ZHX2: variants seen among roughly 807,000 people sequenced by gnomAD.
The protein encoded by ZHX2 is zinc fingers and homeoboxes 2.
A neutral mutation model predicts 21.9 loss-of-function variants in ZHX2; 6 were observed. The observed-to-expected ratio is 0.27, with a 90% confidence interval of 0.15 to 0.54. The LOEUF (loss-of-function observed/expected upper bound fraction) is 0.54, where lower values mean the gene tolerates loss of function less well. ZHX2 is among the 20% of genes least tolerant of loss of function. The probability of loss-of-function intolerance (pLI) is 0.95; values close to 1 mark genes in which losing one functional copy is unlikely to be tolerated. For missense variants in ZHX2, 908 were observed against 1,090.7 expected (o/e 0.83, Z 2.36); for synonymous variants, 434 against 437.1 (o/e 0.99, Z 0.09).
At chr8:122,949,971 C>G (rs1813068939) in intron 2 of ZHX2, among the ~76,000 whole-genome samples, 1 of 152,068 alleles carries the variant, frequency 6.6e-6, no homozygotes, top group African/African-American at 2.4e-5. Context: ...TATTTTACTA[C>G]TGTTAAATAG....
chr8:122,969,593 C>T (rs1434791955), intron 3 of ZHX2, among the ~76,000 whole-genome samples: 2 of 152,226 alleles, frequency 1.3e-5, no homozygotes, highest in Admixed American at 6.5e-5. Context: ...AAAGAAAAGA[C>T]GTTGCCTACA....
intron 1 of ZHX2, among the ~76,000 whole-genome samples, chr8:122,783,786 G>C (rs1424358408): frequency 1.3e-5 from 2 of 152,214 alleles, no homozygotes; most frequent in East Asian, 3.9e-4. Flanking sequence ...AGTTTAAAGG[G>C]AAAGTTATGT....
intron 1 of ZHX2, among the ~76,000 whole-genome samples, chr8:122,854,606 G>A (rs1227967517): frequency 6.6e-6 from 1 of 152,194 alleles, no homozygotes; most frequent in Non-Finnish European, 1.5e-5. Flanking sequence ...GGTCAGCCAT[G>A]CCAAGAGTTA....
intron 1 of ZHX2, among the ~76,000 whole-genome samples, chr8:122,830,831 AG>A (rs1348705027): frequency 6.6e-6 from 1 of 152,202 alleles, no homozygotes; most frequent in Non-Finnish European, 1.5e-5. Context: ...CTATAAAAAG[AG>A]GGTGCTTTTG....
rs1482275344 is a variant in ZHX2 at position 122,951,502 on chromosome 8, A to G, written c.-9A>G. On this transcript the variant is annotated 5_prime_UTR_variant, in exon 3 of 4. Coordinates refer to ENST00000314393, the MANE Select transcript of ZHX2 (RefSeq NM_014943.5). ...TCCAAAAATAAGCCATTGCACACAG[A>G]CAGGCAGCATGGCTAGCAAACGAAA... The G allele has an allele frequency of 1.2e-6, 2 of 1,606,834 alleles. No homozygotes were observed. The highest frequency in any genetic ancestry group is 1.7e-6 in the Non-Finnish European group (2 of 1,175,576).
At chr8:122,867,532 G>A (rs1819328516) in intron 2 of ZHX2, among the ~76,000 whole-genome samples, 1 of 152,178 alleles carries the variant, frequency 6.6e-6, no homozygotes, top group African/African-American at 2.4e-5. Context: ...TCATTCAATG[G>A]GCAGCTTTGC....
chr8:122,842,578 G>T (rs778274741), intron 1 of ZHX2, among the ~76,000 whole-genome samples: 1 of 152,180 alleles, frequency 6.6e-6, no homozygotes, highest in Non-Finnish European at 1.5e-5. Context: ...ATGGTGGCAG[G>T]CACCTGTAGT....
intron 2 of ZHX2, among the ~76,000 whole-genome samples, chr8:122,933,366 A>G (rs1239714419): frequency 1.3e-5 from 2 of 151,920 alleles, no homozygotes; most frequent in Non-Finnish European, 2.9e-5. Context: ...TAAACATTTG[A>G]TAGTGCCTTA....
Position 122,953,241 on chromosome 8 carries a change from C to G in ZHX2, c.1731C>G (p.Phe577Leu). The G allele has an allele frequency of 6.2e-7, 1 of 1,613,976 alleles. No homozygotes were observed. Among genetic ancestry groups the G allele is most frequent in the East Asian group, 2.2e-5 (1 of 44,852 alleles). The stretch of plus-strand genomic sequence containing the variant: ...GCAGGAGAGAGATCGACTCCTGGTT[C>G]TCGGAGAGGCGGAAGCTTCGAGACA... ...KLSRREIDSW[F>L]SERRKLRDSM... Residue 577 changes from phenylalanine to leucine, a missense_variant, in exon 3 of 4, where the codon TTC becomes TTG. Phe to Leu is a conservative substitution (Grantham distance 22). Coordinates refer to ENST00000314393, the MANE Select transcript of ZHX2 (RefSeq NM_014943.5). The surrounding 1 kb of genome is among the most constrained non-coding windows in gnomAD (Gnocchi z 4.6).
chr8:122,925,694 G>C (rs1193949753), intron 2 of ZHX2, among the ~76,000 whole-genome samples: 1 of 152,204 alleles, frequency 6.6e-6, no homozygotes, highest in Non-Finnish European at 1.5e-5. Flanking sequence ...CCTAGAGGTG[G>C]AGGAGGGCAG....
intron 1 of ZHX2, among the ~76,000 whole-genome samples, chr8:122,801,782 C>T (rs548922180): frequency 3.9e-5 from 6 of 152,206 alleles, no homozygotes; most frequent in African/African-American, 1.2e-4. Flanking sequence ...GAGGCAGAGA[C>T]GTTTCGTAAT....
At chr8:122,900,658 C>G (rs1382701599) in intron 2 of ZHX2, among the ~76,000 whole-genome samples, 1 of 152,142 alleles carries the variant, frequency 6.6e-6, no homozygotes, top group Non-Finnish European at 1.5e-5. Flanking sequence ...TGTCCTGGTG[C>G]TAGATTTAAG....
chr8:122,924,023 C>G (rs1288684544), intron 2 of ZHX2, among the ~76,000 whole-genome samples: 1 of 152,128 alleles, frequency 6.6e-6, no homozygotes, highest in Non-Finnish European at 1.5e-5. Context: ...GTTAGGTGGG[C>G]CTTCCCCAGC....
At chr8:122,780,790 C>G (rs1213989917), upstream of ZHX2, 2 of 152,224 alleles carry the variant, frequency 1.3e-5, no homozygotes, top group Admixed American at 6.5e-5. Flanking sequence ...CTGCGAGCAC[C>G]GCAGGCGTGT....
rs78256632 is a variant in ZHX2, at chr8:122,931,020, C to T, written c.-219-20272C>T. On this transcript the variant is annotated intron_variant, in intron 2 of 3. Coordinates refer to ENST00000314393, the MANE Select transcript of ZHX2 (RefSeq NM_014943.5). ...GGCTGTTCCAGGTCCAGATAGGGCA[C>T]GTCTTCCACTAGGCTGTCAAAGGTC... Among the ~76,000 whole-genome samples, 912 of 152,172 alleles carry T rather than the reference C, an allele frequency of 6.0e-3. 7 individuals are homozygous for T. Among genetic ancestry groups the T allele is most frequent in the African/African-American group, 0.021 (866 of 41,502 alleles).
At chr8:122,928,231 C>T (rs1820902804) in intron 2 of ZHX2, among the ~76,000 whole-genome samples, 1 of 152,200 alleles carries the variant, frequency 6.6e-6, no homozygotes, top group South Asian at 2.1e-4. Flanking sequence ...AATAGAGGAA[C>T]TACTAATGAG....
At chr8:122,803,001 G>A (rs550133138) in intron 1 of ZHX2, among the ~76,000 whole-genome samples, 141 of 149,812 alleles carry the variant, frequency 9.4e-4, no homozygotes, top group African/African-American at 3.4e-3. Flanking sequence ...ACCAGCGGGC[G>A]GCAGCACGAG....
At chr8:122,915,593 C>T (rs892272900) in intron 2 of ZHX2, among the ~76,000 whole-genome samples, 1 of 152,194 alleles carries the variant, frequency 6.6e-6, no homozygotes, top group Admixed American at 6.5e-5. Flanking sequence ...CTTGGCTTCA[C>T]GCTGCAAGAA....
intron 1 of ZHX2, among the ~76,000 whole-genome samples, chr8:122,803,913 G>A (rs370641788): frequency 6.5e-4 from 99 of 152,244 alleles, no homozygotes; most frequent in Middle Eastern, 3.4e-3. Context: ...ACTCACTGCT[G>A]TCTCCCCACA....
Sources: allele counts gnomAD v4.1 joint callset (sites outside exome capture counted in the v4.1 genomes callset), GRCh38; gene constraint gnomAD v4.1.1; non-coding constraint Gnocchi (gnomAD v3.1); transcripts MANE v1.5; gene names NCBI Gene and HGNC (gene_info 2026-07-23, HGNC 2026-07-21).